Variants in NUP210L observed in about 807,000 individuals in gnomAD.
NUP210L encodes nucleoporin 210 like, also known as nuclear pore membrane glycoprotein 210-like.
Under a neutral mutation model 208.5 loss-of-function variants are expected in NUP210L, and 74 were observed. The ratio of observed to expected loss-of-function variants is 0.35; its 90% CI spans 0.29 to 0.43. The LOEUF (loss-of-function observed/expected upper bound fraction) is 0.43. Ranked by LOEUF, NUP210L falls within the 20% of genes least tolerant of loss-of-function variation. The probability of loss-of-function intolerance (pLI) is 1.00; values close to 1 mark genes in which losing one functional copy is unlikely to be tolerated. For synonymous variants in NUP210L, 780 were observed against 816.9 expected (o/e 0.95, Z 0.77); for missense variants, 1,843 against 2,289.4 (o/e 0.81, Z 3.98).
At chr1:154,050,104 A>T (rs920545967) in intron 25 of NUP210L, among the ~76,000 whole-genome samples, 2 of 152,190 alleles carry the variant, frequency 1.3e-5, no homozygotes, top group Non-Finnish European at 2.9e-5. Flanking sequence ...CACTGGTTTA[A>T]TTATAGCTCC....
At chr1:154,099,545 A>G (rs934417116) in intron 14 of NUP210L, among the ~76,000 whole-genome samples, 6 of 152,324 alleles carry the variant, frequency 3.9e-5, no homozygotes, top group East Asian at 1.9e-4. Flanking sequence ...CTTAAAATCC[A>G]TAAGTATATA....
chr1:154,005,949 C>T (rs1344517729), intron 35 of NUP210L, among the ~76,000 whole-genome samples: 2 of 151,850 alleles, frequency 1.3e-5, no homozygotes, highest in Admixed American at 6.6e-5. Context: ...CTCGAACTCC[C>T]GACCTCAGGT....
At chr1:154,031,715 A>G (rs1220956424) in intron 27 of NUP210L, among the ~76,000 whole-genome samples, 5 of 148,984 alleles carry the variant, frequency 3.4e-5, no homozygotes, top group Admixed American at 1.3e-4. Flanking sequence ...TGACAGGATC[A>G]CATTCCTTTT....
chr1:154,066,700 CTAAT>C (rs1654438906), intron 17 of NUP210L, among the ~76,000 whole-genome samples: 1 of 151,918 alleles, frequency 6.6e-6, no homozygotes, highest in Admixed American at 6.6e-5. Context: ...GCTAGAAAAA[CTAAT>C]AAAGAAGAAA....
At chr1:154,153,122 C>A (rs975366385) in intron 1 of NUP210L, among the ~76,000 whole-genome samples, 1 of 152,004 alleles carries the variant, frequency 6.6e-6, no homozygotes, top group African/African-American at 2.4e-5. Flanking sequence ...TTTTTATATT[C>A]TTCCCTCAGT....
chr1:154,003,780 A>G (rs1366503412), intron 35 of NUP210L, among the ~76,000 whole-genome samples: 1 of 152,074 alleles, frequency 6.6e-6, no homozygotes, highest in Admixed American at 6.6e-5. Flanking sequence ...GAGCCACTGC[A>G]CCTGGCCTTA....
chr1:154,085,847 G>A (rs1557966537), intron 16 of NUP210L, among the ~76,000 whole-genome samples: 1 of 152,110 alleles, frequency 6.6e-6, no homozygotes, highest in Non-Finnish European at 1.5e-5. Flanking sequence ...AGAGTGCCAA[G>A]ACAACTCAAG....
chr1:154,037,914 C>A (rs895806882), intron 27 of NUP210L, among the ~76,000 whole-genome samples: 6 of 152,094 alleles, frequency 3.9e-5, no homozygotes, highest in African/African-American at 1.4e-4. Context: ...CCACCATGCC[C>A]AGCCACTCTA....
At chr1:153,995,830 T>C (rs1048084278) in intron 37 of NUP210L, 10 of 618,420 alleles carry the variant, frequency 1.6e-5, no homozygotes, top group Admixed American at 1.1e-4. Context: ...TCTTACGAGA[T>C]TGTCCAAAAC....
At chr1:154,072,575 G>A (rs886962193) in intron 16 of NUP210L, among the ~76,000 whole-genome samples, 15 of 151,732 alleles carry the variant, frequency 9.9e-5, no homozygotes, top group East Asian at 1.9e-4. Flanking sequence ...CTCATGATCC[G>A]CCCGCCTTGA....
chr1:154,071,325 G>C (rs1571236747), intron 16 of NUP210L, among the ~76,000 whole-genome samples: 1 of 151,364 alleles, frequency 6.6e-6, no homozygotes, highest in African/African-American at 2.4e-5. Flanking sequence ...AGTTTTTGGG[G>C]AACAGGTGGT....
chr1:154,038,936 G>C (rs928242188), intron 27 of NUP210L, among the ~76,000 whole-genome samples: 3 of 152,004 alleles, frequency 2.0e-5, no homozygotes, highest in Non-Finnish European at 4.4e-5. Context: ...TTAACTTTTT[G>C]TCATTTCTAT....
rs1427503445 is a variant in NUP210L at position 154,010,098 on chromosome 1, AGGCCT to A, written c.4799_4803del (p.Gln1600LeufsTer21). 1.1e-5 allele frequency: 17 copies of A among 1,613,846 alleles called. No individual in the cohort carries two copies. The highest frequency in any genetic ancestry group is 1.4e-5 in the Non-Finnish European group (16 of 1,179,910). ...GGAAGAAGTACTTTTGTAATGGCCA[AGGCCT>A]GGTTTGGGGTACAGAATCCTGAAAA... On this transcript the variant is annotated frameshift_variant, in exon 35 of 40. Transcript: ENST00000368559. LOFTEE classifies it high-confidence loss of function.
At chr1:154,029,375 C>CAAAA (rs57790370) in intron 28 of NUP210L, among the ~76,000 whole-genome samples, 1 of 44,064 alleles carries the variant, frequency 2.3e-5, no homozygotes, top group African/African-American at 9.4e-5. Context: ...AAGACTGTCT[C>CAAAA]AAAAAAAAAA....
intron 34 of NUP210L, among the ~76,000 whole-genome samples, chr1:154,011,223 A>ATTTT (rs752847076): frequency 7.2e-6 from 1 of 139,128 alleles, no homozygotes; most frequent in Non-Finnish European, 1.6e-5. Context: ...CGGTGGCTAG[A>ATTTT]TTTTTTTTTT....
intron 17 of NUP210L, among the ~76,000 whole-genome samples, chr1:154,067,220 C>T (rs533474117): frequency 6.6e-6 from 1 of 152,134 alleles, no homozygotes; most frequent in East Asian, 1.9e-4. Flanking sequence ...CCGAATCCAG[C>T]AGCACATCAA....
At chr1:154,147,061 A>T (rs572024952) in intron 2 of NUP210L, among the ~76,000 whole-genome samples, 1 of 152,010 alleles carries the variant, frequency 6.6e-6, no homozygotes, top group African/African-American at 2.4e-5. Flanking sequence ...CCTTCCTTTA[A>T]ATTGTGGGCT....
chr1:154,052,669 T>C (rs1653582583), intron 25 of NUP210L, among the ~76,000 whole-genome samples: 1 of 152,266 alleles, frequency 6.6e-6, no homozygotes, highest in Non-Finnish European at 1.5e-5. Context: ...ACATGCTTTC[T>C]GATCTCAGTA....
chr1:154,094,294 C>A (rs1352411830), intron 15 of NUP210L, among the ~76,000 whole-genome samples: 1 of 151,232 alleles, frequency 6.6e-6, no homozygotes, highest in African/African-American at 2.4e-5. Context: ...AAAACAACAA[C>A]AACAACAACA....
Sources: allele counts gnomAD v4.1 joint callset (sites outside exome capture counted in the v4.1 genomes callset), GRCh38; gene constraint gnomAD v4.1.1; transcripts MANE v1.5; gene names NCBI Gene and HGNC (gene_info 2026-07-23, HGNC 2026-07-21).